KCNIP4: variants seen among roughly 807,000 people sequenced by gnomAD.
KCNIP4 encodes potassium voltage-gated channel interacting protein 4.
A neutral mutation model predicts 34.0 loss-of-function variants in KCNIP4; 12 were observed. That is an observed-to-expected ratio of 0.35 (90% confidence interval 0.23 to 0.57). KCNIP4 has a LOEUF of 0.57. Ranked by LOEUF, KCNIP4 falls within the 20% of genes least tolerant of loss-of-function variation. The pLI is 0.83. For synonymous variants in KCNIP4, 124 were observed against 102.2 expected, an observed-to-expected ratio of 1.21 and a Z score of -1.29; for missense variants, 238 against 311.7, an observed-to-expected ratio of 0.76 and a Z score of 1.78.
intron 1 of KCNIP4, among the ~76,000 whole-genome samples, chr4:20,990,780 C>T (rs141400909): frequency 6.6e-6 from 1 of 152,298 alleles, no homozygotes; most frequent in African/African-American, 2.4e-5. Context: ...CAATTTGTGG[C>T]TCTCCTGTCA....
intron 1 of KCNIP4, among the ~76,000 whole-genome samples, chr4:21,742,887 G>A (rs2109131468): frequency 1.3e-5 from 2 of 152,086 alleles, no homozygotes; most frequent in Middle Eastern, 3.4e-3. Flanking sequence ...GGATATCTCG[G>A]GGTAGTGGGA....
At chr4:21,522,854 T>C (rs562017542) in intron 1 of KCNIP4, among the ~76,000 whole-genome samples, 22 of 152,120 alleles carry the variant, frequency 1.4e-4, no homozygotes, top group Non-Finnish European at 2.6e-4. Context: ...GCTTAGCACA[T>C]AGTAAAAAAT....
chr4:20,829,346 T>C (rs1718145495), intron 3 of KCNIP4, among the ~76,000 whole-genome samples: 1 of 152,176 alleles, frequency 6.6e-6, no homozygotes, highest in Non-Finnish European at 1.5e-5. Flanking sequence ...TAGCTGGGAC[T>C]ATAGGCGCCT....
intron 1 of KCNIP4, among the ~76,000 whole-genome samples, chr4:21,245,433 A>T (rs748213660): frequency 1.3e-5 from 2 of 152,192 alleles, no homozygotes; most frequent in Non-Finnish European, 2.9e-5. Context: ...GAATGCAATT[A>T]CTGTGTTTCA....
At chr4:20,770,474 C>CAA (rs11371014) in intron 3 of KCNIP4, among the ~76,000 whole-genome samples, 34,087 of 145,928 alleles carry the variant, frequency 0.23, 4,558 homozygotes, top group Admixed American at 0.3. Flanking sequence ...TAATATTGAC[C>CAA]AAAAAAAAAA....
intron 1 of KCNIP4, among the ~76,000 whole-genome samples, chr4:21,037,937 C>CA (rs1223828224): frequency 4.0e-5 from 6 of 150,252 alleles, no homozygotes; most frequent in Non-Finnish European, 8.9e-5. Flanking sequence ...TAAACTAGCC[C>CA]AAAAAACAAA....
intron 1 of KCNIP4, among the ~76,000 whole-genome samples, chr4:21,201,372 T>A (rs1027407154): frequency 3.9e-5 from 6 of 152,214 alleles, no homozygotes; most frequent in African/African-American, 1.4e-4. Flanking sequence ...AAGAAAGGAC[T>A]GAAAATATGA....
In KCNIP4 at chr4:21,030,778, A is replaced by C. The variant is rs559063925; in HGVS notation, c.62-148069T>G. On this transcript the variant is annotated intron_variant, in intron 1 of 8. Transcript: ENST00000382152. ...TCAATGAAGTGTATAGTTCATAATC[A>C]GTACTAAATTGATAGGCTTGTGGTT... Among the ~76,000 whole-genome samples, 3 of 152,356 alleles carry C rather than the reference A, an allele frequency of 2.0e-5. No individual in the cohort carries two copies. The East Asian group carries it at 5.8e-4, about 29-fold the overall frequency.
At chr4:20,785,494 G>A (rs1294295518) in intron 3 of KCNIP4, among the ~76,000 whole-genome samples, 1 of 151,904 alleles carries the variant, frequency 6.6e-6, no homozygotes, top group Non-Finnish European at 1.5e-5. Context: ...CAATTACCTG[G>A]GATGGTGTGT....
At chr4:21,522,665 T>C (rs879266218) in intron 1 of KCNIP4, among the ~76,000 whole-genome samples, 4 of 152,080 alleles carry the variant, frequency 2.6e-5, no homozygotes, top group Non-Finnish European at 5.9e-5. Context: ...TCATGAGCTC[T>C]GGAGATAAAT....
chr4:20,841,843 T>C (rs551799023), intron 3 of KCNIP4, among the ~76,000 whole-genome samples: 38 of 152,252 alleles, frequency 2.5e-4, no homozygotes, highest in Middle Eastern at 3.4e-3. Flanking sequence ...ACGTTCCAGG[T>C]TCCAGCCACT....
chr4:21,421,063 T>C (rs1725412168), intron 1 of KCNIP4, among the ~76,000 whole-genome samples: 1 of 152,070 alleles, frequency 6.6e-6, no homozygotes, highest in African/African-American at 2.4e-5. Flanking sequence ...CATTAGGAAA[T>C]GCAAATCAAA....
At chr4:21,658,342 A>G (rs1021583781) in intron 1 of KCNIP4, among the ~76,000 whole-genome samples, 8 of 152,228 alleles carry the variant, frequency 5.3e-5, no homozygotes, top group Non-Finnish European at 1.2e-4. Flanking sequence ...TAAGTAATGC[A>G]TCTGTAAACA....
intron 4 of KCNIP4, 50 bp downstream of exon 4, chr4:20,758,771 G>A (rs1360095812): frequency 7.1e-6 from 10 of 1,411,360 alleles, no homozygotes; most frequent in Admixed American, 1.8e-5. Context: ...AACACTGCAA[G>A]CATAATTGTA....
intron 1 of KCNIP4, among the ~76,000 whole-genome samples, chr4:21,260,983 T>G (rs1338223281): frequency 6.6e-6 from 1 of 152,200 alleles, no homozygotes; most frequent in Non-Finnish European, 1.5e-5. Context: ...GACTGAGTTG[T>G]CAGCTCTTCT....
intron 1 of KCNIP4, among the ~76,000 whole-genome samples, chr4:21,770,616 G>A (rs758937572): frequency 2.1e-4 from 32 of 151,844 alleles, no homozygotes; most frequent in Non-Finnish European, 4.3e-4. Context: ...CGTCAGCATC[G>A]TTTCCTGACT....
At chr4:21,071,856 T>C (rs1301027502) in intron 1 of KCNIP4, among the ~76,000 whole-genome samples, 1 of 152,172 alleles carries the variant, frequency 6.6e-6, no homozygotes, top group East Asian at 1.9e-4. Flanking sequence ...AGTGTTCTCA[T>C]TGTTCAATTC....
chr4:21,703,638 T>A (rs937734812), intron 1 of KCNIP4, among the ~76,000 whole-genome samples: 4 of 152,152 alleles, frequency 2.6e-5, no homozygotes, highest in Admixed American at 2.6e-4. Context: ...AAATACAATA[T>A]CATTTACAAT....
At chr4:21,916,130 T>C (rs529839549) in intron 1 of KCNIP4, among the ~76,000 whole-genome samples, 2 of 152,360 alleles carry the variant, frequency 1.3e-5, no homozygotes, top group African/African-American at 4.8e-5. Context: ...ATATCAAGAA[T>C]GTTATTTCTC....
Sources: gnomAD v4.1 joint callset for allele counts (sites outside exome capture counted in the v4.1 genomes callset) on GRCh38, gnomAD v4.1.1 for gene constraint, MANE v1.5 for transcripts, NCBI Gene and HGNC (gene_info 2026-07-23, HGNC 2026-07-21) for gene names.